The following OR56A3 variants were observed in gnomAD, a reference collection of about 807,000 sequenced individuals.
OR56A3 encodes the protein olfactory receptor family 56 subfamily A member 3.
In OR56A3, 23 loss-of-function variants were observed where a neutral mutation model predicts 17.5. That is an observed-to-expected ratio of 1.32 (90% CI 0.95 to 1.87). OR56A3 has a LOEUF of 1.87. OR56A3 is among the 40% of genes most tolerant of loss of function. The probability of loss-of-function intolerance (pLI) is 0.00; values close to 1 mark genes in which losing one functional copy is unlikely to be tolerated. For synonymous variants in OR56A3, 175 were observed against 150.6 expected (o/e 1.16, Z -1.19); for missense variants, 366 against 380.1 (o/e 0.96, Z 0.31).
the OR56A3 span, among the ~76,000 whole-genome samples, chr11:5,976,078 G>T: frequency 6.6e-6 from 1 of 152,140 alleles, no homozygotes; most frequent in South Asian, 2.1e-4. Flanking sequence ...GTTCCAGAAA[G>T]GAAGATGGTA....
At chr11:5,967,628 A>T in the OR56A3 span, 5 of 1,613,928 alleles carry the variant, frequency 3.1e-6, no homozygotes, top group Non-Finnish European at 3.4e-6. Flanking sequence ...TGGGGTTCAG[A>T]GCTGGGGGAA....
At chr11:5,972,839 C>T in the OR56A3 span, among the ~76,000 whole-genome samples, 5 of 152,240 alleles carry the variant, frequency 3.3e-5, no homozygotes, top group Admixed American at 1.3e-4. Context: ...TCAAGAAATC[C>T]GCCTGCCTCG....
the OR56A3 span, among the ~76,000 whole-genome samples, chr11:6,010,302 G>A: frequency 6.6e-6 from 1 of 152,024 alleles, no homozygotes; most frequent in African/African-American, 2.4e-5. Context: ...AGATCTCTTA[G>A]GATCACCCTA....
chr11:5,956,954 G>A, the OR56A3 span, among the ~76,000 whole-genome samples: 1 of 152,072 alleles, frequency 6.6e-6, no homozygotes, highest in African/African-American at 2.4e-5. Context: ...TCAGGAGTTC[G>A]AGACCAGCCT....
At chr11:5,994,959 C>T in the OR56A3 span, 261 of 730,052 alleles carry the variant, frequency 3.6e-4, 2 homozygotes, top group South Asian at 1.9e-3. Context: ...AGACCCCCGG[C>T]CATCCCTGCA....
the OR56A3 span, among the ~76,000 whole-genome samples, chr11:5,980,471 G>T: frequency 1.6e-4 from 25 of 152,106 alleles, no homozygotes; most frequent in Non-Finnish European, 3.4e-4. Flanking sequence ...TTGGTTTAAA[G>T]TCAGTTCTGT....
At chr11:5,995,054 A>G in the OR56A3 span, 1 of 626,248 alleles carries the variant, frequency 1.6e-6, no homozygotes, top group Non-Finnish European at 2.9e-6. Flanking sequence ...GCGCCTGCAT[A>G]GACGCTGGCC....
chr11:5,969,333 T>G, the OR56A3 span, among the ~76,000 whole-genome samples: 1 of 152,252 alleles, frequency 6.6e-6, no homozygotes, highest in Non-Finnish European at 1.5e-5. Flanking sequence ...TATTTTCTAT[T>G]ATTTTCAAAT....
the OR56A3 span, chr11:5,967,266 C>A: frequency 3.1e-6 from 1 of 327,056 alleles, no homozygotes; most frequent in Non-Finnish European, 5.5e-6. Flanking sequence ...GTTTGAAAAC[C>A]ATACAATTCT....
At chr11:5,986,750 C>T in the OR56A3 span, 1 of 1,613,976 alleles carries the variant, frequency 6.2e-7, no homozygotes, top group Non-Finnish European at 8.5e-7. Flanking sequence ...AGAATGGTAA[C>T]ATTGCCCACT....
At chr11:5,992,102 T>C in the OR56A3 span, among the ~76,000 whole-genome samples, 81,520 of 152,042 alleles carry the variant, frequency 0.54, 22,738 homozygotes, top group South Asian at 0.76. Context: ...AAATTTCACA[T>C]TGCTCTGTGA....
At chr11:5,957,508 T>G in the OR56A3 span, among the ~76,000 whole-genome samples, 3 of 152,230 alleles carry the variant, frequency 2.0e-5, no homozygotes. Context: ...CTCCACTATC[T>G]TGTAACTTAA....
At chr11:5,964,861 G>A in the OR56A3 span, among the ~76,000 whole-genome samples, 2 of 152,078 alleles carry the variant, frequency 1.3e-5, no homozygotes, top group Admixed American at 6.6e-5. Flanking sequence ...TTTCCCCTAA[G>A]ATAGTATCTC....
chr11:5,944,099 A>C (rs931424664), intron 1 of OR56A3, among the ~76,000 whole-genome samples: 5 of 152,190 alleles, frequency 3.3e-5, no homozygotes, highest in African/African-American at 1.2e-4. Flanking sequence ...TGGAGGCTGG[A>C]AGTTTTGTTC....
chr11:6,016,981 T>C, the OR56A3 span: 11 of 151,848 alleles, frequency 7.2e-5, no homozygotes, highest in African/African-American at 1.2e-4. Flanking sequence ...CCAAAAAAAA[T>C]AATAATATTT....
At chr11:6,014,368 T>C in the OR56A3 span, among the ~76,000 whole-genome samples, 1 of 152,326 alleles carries the variant, frequency 6.6e-6, no homozygotes, top group Middle Eastern at 3.4e-3. Flanking sequence ...AACACCATCC[T>C]CCGGGTGCTG....
intron 1 of OR56A3, chr11:5,943,535 A>G (rs1300228169): frequency 6.9e-6 from 1 of 144,476 alleles, no homozygotes; most frequent in Non-Finnish European, 1.5e-5. Context: ...AAAAAAAACC[A>G]CCTTATTTGC....
At chr11:5,985,102 A>T in the OR56A3 span, among the ~76,000 whole-genome samples, 2 of 152,228 alleles carry the variant, frequency 1.3e-5, no homozygotes, top group Non-Finnish European at 2.9e-5. Flanking sequence ...AACTGCTACT[A>T]TACTTATTGC....
At chr11:6,002,983 G>A in the OR56A3 span, 1 of 1,614,144 alleles carries the variant, frequency 6.2e-7, no homozygotes, top group African/African-American at 1.3e-5. Flanking sequence ...TCATTGCTGG[G>A]AGATGCCATG....
Sources: gnomAD v4.1 joint callset for allele counts (sites outside exome capture counted in the v4.1 genomes callset) on GRCh38, gnomAD v4.1.1 for gene constraint, MANE v1.5 for transcripts, NCBI Gene and HGNC (gene_info 2026-07-23, HGNC 2026-07-21) for gene names.